Variants in PACS1 observed in about 807,000 individuals in gnomAD.
PACS1 encodes phosphofurin acidic cluster sorting protein 1, also known as PACS-1.
PACS1 carries 24 observed loss-of-function variants against 115.0 expected under a neutral mutation model. The ratio of observed to expected loss-of-function variants is 0.21; its 90% CI spans 0.15 to 0.29. The LOEUF is 0.29. Ranked by LOEUF, PACS1 falls within the 10% of genes least tolerant of loss-of-function variation. PACS1 has a pLI of 1.00. For synonymous variants in PACS1, 453 were observed against 504.5 expected, an observed-to-expected ratio of 0.90 and a Z score of 1.37; for missense variants, 838 against 1,251.2, an observed-to-expected ratio of 0.67 and a Z score of 4.98.
intron 1 of PACS1, among the ~76,000 whole-genome samples, chr11:66,132,722 G>A (rs1161379327): frequency 6.6e-6 from 1 of 152,154 alleles, no homozygotes; most frequent in African/African-American, 2.4e-5. Context: ...AGGCTAGAGT[G>A]CAGTGGTGGG....
chr11:66,123,568 C>G (rs570232035), intron 1 of PACS1, among the ~76,000 whole-genome samples: 4 of 151,918 alleles, frequency 2.6e-5, no homozygotes, highest in Admixed American at 1.3e-4. Flanking sequence ...GTCGCCCAGG[C>G]TAGAGTGCTG....
intron 7 of PACS1, among the ~76,000 whole-genome samples, chr11:66,218,859 TAAAA>T (rs142576194): frequency 2.3e-5 from 3 of 129,410 alleles, no homozygotes; most frequent in Admixed American, 7.7e-5. Context: ...ACTCCATCTC[TAAAA>T]AAAAAAAAAA....
At chr11:66,140,497 C>T (rs933087807) in intron 1 of PACS1, among the ~76,000 whole-genome samples, 2 of 152,104 alleles carry the variant, frequency 1.3e-5, no homozygotes, top group Non-Finnish European at 2.9e-5. Context: ...TCTGCCGTCA[C>T]GGTGCATGGC....
At chr11:66,229,972 T>C (rs1355860739) in intron 11 of PACS1, among the ~76,000 whole-genome samples, 1 of 141,370 alleles carries the variant, frequency 7.1e-6, no homozygotes, top group Non-Finnish European at 1.5e-5. Flanking sequence ...AAAAAAAAAG[T>C]GATCTGAGGA....
intron 11 of PACS1, among the ~76,000 whole-genome samples, chr11:66,229,211 C>CAAAAAAAAAAAAAAAAAAA (rs386374029): frequency 3.2e-5 from 2 of 63,220 alleles, no homozygotes; most frequent in Non-Finnish European, 5.6e-5. Flanking sequence ...CCCGTCTCTA[C>CAAAAAAAAAAAAAAAAAAA]AAAAAAAAAA....
chr11:66,171,570 TTTTTC>T lies in PACS1; in HGVS notation c.357-21896_357-21892del, dbSNP rs1043464308. Among the ~76,000 whole-genome samples, 10 of 149,938 alleles carry T rather than the reference TTTTTC, an allele frequency of 6.7e-5. No homozygotes were observed. In the South Asian group the frequency reaches 8.3e-4, roughly 12 times the overall value. On this transcript the variant is annotated intron_variant, in intron 1 of 23. Coordinates refer to ENST00000320580, the MANE Select transcript of PACS1 (RefSeq NM_018026.4). ...CGTTGGTGGTTTTTCTCTCATTCCA[TTTTTC>T]TTTTCTTTTCTTTTCTTTTTTTGAA...
At chr11:66,226,985 T>A (rs1056545276) in intron 10 of PACS1, among the ~76,000 whole-genome samples, 1 of 152,198 alleles carries the variant, frequency 6.6e-6, no homozygotes, top group Non-Finnish European at 1.5e-5. Flanking sequence ...CCTAAATGGC[T>A]TAACATTGGG....
intron 2 of PACS1, among the ~76,000 whole-genome samples, chr11:66,202,743 ATAT>A (rs1224216492): frequency 0.1 from 6,037 of 58,152 alleles, 1,075 homozygotes; most frequent in East Asian, 0.19. Context: ...AAAAAAAAAA[ATAT>A]ATATATATAT....
rs546706797 is a variant in PACS1, at chr11:66,233,209, G to A, written c.1838+143G>A. 19 of 620,420 alleles carry A rather than the reference G, an allele frequency of 3.1e-5. No homozygotes were observed. The highest frequency in any genetic ancestry group is 1.5e-4 in the African/African-American group (8 of 54,412). 38.4% of individuals were successfully genotyped at this position (620,420 alleles called of 1,614,324 possible). On this transcript the variant is annotated intron_variant, in intron 15 of 23. Coordinates refer to ENST00000320580, the MANE Select transcript of PACS1 (RefSeq NM_018026.4). This position sits in a 1 kb window ranked among gnomAD's most constrained non-coding sequence, Gnocchi z 4.5. ...AGGGGCGTATGTTTAGGGGGGTGGC[G>A]GCAGCAGGCTGTAGGGCTTGAGGCC...
At chr11:66,238,239 G>A in intron 19 of PACS1, 1 of 985,264 alleles carries the variant, frequency 1.0e-6, no homozygotes, top group Non-Finnish European at 1.2e-6. Flanking sequence ...CCACACCTTA[G>A]CACGTCCACT....
chr11:66,161,224 G>A (rs1433640054), intron 1 of PACS1, among the ~76,000 whole-genome samples: 1 of 152,168 alleles, frequency 6.6e-6, no homozygotes, highest in East Asian at 1.9e-4. Context: ...CAGGCAAGAA[G>A]TGCTACAGGG....
intron 1 of PACS1, among the ~76,000 whole-genome samples, chr11:66,166,139 T>TTTTG (rs4013919): frequency 0.44 from 65,846 of 150,964 alleles, 14,740 homozygotes; most frequent in Non-Finnish European, 0.48. Flanking sequence ...CCTCACATCT[T>TTTTG]TTTGTTTGTT....
intron 1 of PACS1, among the ~76,000 whole-genome samples, chr11:66,132,529 A>C (rs1858727352): frequency 6.6e-6 from 1 of 152,138 alleles, no homozygotes; most frequent in Non-Finnish European, 1.5e-5. Context: ...TAATCTCTTG[A>C]ATACTTATAA....
chr11:66,075,973 G>A (rs192929581), intron 1 of PACS1, among the ~76,000 whole-genome samples: 3 of 152,188 alleles, frequency 2.0e-5, no homozygotes, highest in African/African-American at 4.8e-5. Flanking sequence ...TCCTGACCTC[G>A]TGATCCACCT....
intron 1 of PACS1, chr11:66,100,669 A>G (rs2134527668): frequency 2.6e-6 from 1 of 387,646 alleles, no homozygotes; most frequent in South Asian, 1.9e-5. Flanking sequence ...GAGTTCAGCA[A>G]TAATACTCAA....
At chr11:66,137,334 G>T (rs1858870604) in intron 1 of PACS1, among the ~76,000 whole-genome samples, 1 of 151,952 alleles carries the variant, frequency 6.6e-6, no homozygotes, top group Non-Finnish European at 1.5e-5. Flanking sequence ...TGAGGTAGGG[G>T]TTCAAATTAA....
At chr11:66,220,590 T>C in intron 8 of PACS1, 41 bp from the exon 9 acceptor site, 1 of 1,611,614 alleles carries the variant, frequency 6.2e-7, no homozygotes, top group East Asian at 2.2e-5. Flanking sequence ...AAATTGTTAA[T>C]AGGGATGACC....
intron 1 of PACS1, among the ~76,000 whole-genome samples, chr11:66,129,091 A>G (rs1341260675): frequency 1.3e-5 from 2 of 151,990 alleles, no homozygotes; most frequent in Admixed American, 6.6e-5. Flanking sequence ...TGTGTATTTT[A>G]TTGTATGTAA....
At chr11:66,189,743 A>T (rs901492689) in intron 1 of PACS1, among the ~76,000 whole-genome samples, 1 of 152,230 alleles carries the variant, frequency 6.6e-6, no homozygotes, top group Non-Finnish European at 1.5e-5. Flanking sequence ...CCACAAATCA[A>T]TTTGAAGGTG....
Sources: gnomAD v4.1 joint callset for allele counts (sites outside exome capture counted in the v4.1 genomes callset) on GRCh38, gnomAD v4.1.1 for gene constraint, Gnocchi (gnomAD v3.1) non-coding constraint, MANE v1.5 for transcripts, NCBI Gene and HGNC (gene_info 2026-07-23, HGNC 2026-07-21) for gene names.